The following PTPN13 variants were observed in gnomAD, a reference collection of about 807,000 sequenced individuals.
PTPN13 encodes protein tyrosine phosphatase non-receptor type 13.
In PTPN13, 191 loss-of-function variants were observed where a neutral mutation model predicts 284.0. The observed-to-expected ratio is 0.67, with a 90% CI of 0.60 to 0.76. PTPN13 has a LOEUF of 0.76. PTPN13 is among the 30% of genes least tolerant of loss of function. The pLI, the probability that PTPN13 is intolerant of heterozygous loss-of-function variation, is 0.00. For missense variants in PTPN13, 2,797 were observed against 2,939.9 expected (o/e 0.95, Z 1.12); for synonymous variants, 986 against 1,022.3 (o/e 0.96, Z 0.68).
In PTPN13 at chr4:86,805,347, C is replaced by T. The variant is rs777203361; in HGVS notation, c.6723C>T (p.Asn2241=). 3 of 1,594,276 alleles carry T rather than the reference C, an allele frequency of 1.9e-6. No individual in the cohort carries two copies. The highest frequency in any genetic ancestry group is 1.1e-5 in the South Asian group (1 of 89,692). ...AAACTAAGGAAAACAGAAGGAAGAA[C>T]AGATATAAAAATATACTTCCCTGTA... ...IGQTKENRRK[N]RYKNILPYDA... Residue 2241 remains asparagine, a synonymous_variant, in exon 44 of 48, where the codon AAC becomes AAT. Coordinates refer to ENST00000411767, the MANE Select transcript of PTPN13 (RefSeq NM_080683.3).
At chr4:86,631,129 T>C (rs1722421239) in intron 1 of PTPN13, among the ~76,000 whole-genome samples, 2 of 152,142 alleles carry the variant, frequency 1.3e-5, no homozygotes, top group African/African-American at 4.8e-5. Context: ...TTGTGATAGG[T>C]TAATGTGATA....
At chr4:86,811,199 G>T (rs999266360) in intron 47 of PTPN13, 91 bp downstream of exon 47, 6 of 1,260,908 alleles carry the variant, frequency 4.8e-6, no homozygotes, top group Non-Finnish European at 5.4e-6. Flanking sequence ...TTTTTTGAGA[G>T]TTCCCATGTT....
chr4:86,769,788 A>G lies in PTPN13; in HGVS notation c.4509A>G (p.Lys1503=). 6.3e-7 allele frequency: 1 copy of G among 1,596,924 alleles called. No homozygotes were observed. Among genetic ancestry groups the G allele is most frequent in the Non-Finnish European group, 8.5e-7 (1 of 1,173,532 alleles). ...FVTEENTFEV[K]LFKNSSGLGF... is the part of the protein sequence containing the mutation. ...CTCCAGAAAATACATTTGAGGTAAA[A>G]TTATTTAAAAATAGCTCAGGTCTAG... Residue 1503 remains lysine, a synonymous_variant, in exon 29 of 48, where the codon AAA becomes AAG. Coordinates refer to ENST00000411767, the MANE Select transcript of PTPN13 (RefSeq NM_080683.3).
chr4:86,722,143 A>T (rs112034531), intron 9 of PTPN13, 69 bp from the exon 10 acceptor site: 1 of 1,309,608 alleles, frequency 7.6e-7, no homozygotes. Flanking sequence ...TTAAAATGAA[A>T]TTTGCTTGAT....
In PTPN13 at chr4:86,701,738, T is replaced by G; in HGVS notation, c.1132T>G (p.Leu378Val). 2 of 1,613,912 alleles carry G rather than the reference T, an allele frequency of 1.2e-6. No individual in the cohort carries two copies. Among genetic ancestry groups the G allele is most frequent in the Non-Finnish European group, 1.7e-6 (2 of 1,179,844 alleles). Reference protein sequence around the residue: ...LPTSSAISSALDRIRERQKKL... With the variant: ...LPTSSAISSAVDRIRERQKKL... ...CACCTCCTCAGCAATATCAAGTGCT[T>G]TGGACCGAATCCGAGAGAGACAAAA... Residue 378 changes from leucine to valine, a missense_variant, in exon 7 of 48, where the codon TTG (leucine) becomes GTG (valine). Coordinates refer to ENST00000411767, the MANE Select transcript of PTPN13 (RefSeq NM_080683.3).
At chr4:86,786,478 C>T (rs1396906502) in intron 40 of PTPN13, among the ~76,000 whole-genome samples, 1 of 152,086 alleles carries the variant, frequency 6.6e-6, no homozygotes, top group Non-Finnish European at 1.5e-5. Flanking sequence ...CATGACTGTT[C>T]ATTAAATATT....
chr4:86,732,764 A>G lies in PTPN13; in HGVS notation c.1856A>G (p.Lys619Arg), dbSNP rs1359612435. 8 of 1,611,526 alleles carry G rather than the reference A, an allele frequency of 5.0e-6. No individual in the cohort carries two copies. The highest frequency in any genetic ancestry group is 4.5e-5 in the East Asian group (2 of 44,764). Residue 619 changes from lysine (K) to arginine (R), a missense_variant and splice_region_variant, in exon 12 of 48, where the codon AAA becomes AGA. By Grantham distance (26) the Lys-to-Arg change is conservative (BLOSUM62 2). Coordinates refer to ENST00000411767, the MANE Select transcript of PTPN13 (RefSeq NM_080683.3). Reference protein sequence around the residue: ...EHHLFALATLKDNEYFFVDPD... With the variant: ...EHHLFALATLRDNEYFFVDPD... ...CATTTGTTTGCTTTAGCTACCCTCA[A>G]AGGTACCAAGACATTTTATATTCAG...
At chr4:86,794,629 A>G (rs902248719) in intron 40 of PTPN13, among the ~76,000 whole-genome samples, 14 of 152,260 alleles carry the variant, frequency 9.2e-5, no homozygotes, top group Admixed American at 1.3e-4. Flanking sequence ...GAGGCATCAC[A>G]CTACCTGACT....
chr4:86,595,672 A>G (rs1010371128), intron 1 of PTPN13: 91 of 835,524 alleles, frequency 1.1e-4, no homozygotes, highest in Non-Finnish European at 1.2e-4. Flanking sequence ...CGGTGACTTC[A>G]TAGGGAGCTG....
intron 1 of PTPN13, among the ~76,000 whole-genome samples, chr4:86,613,176 A>G (rs1447730476): frequency 6.6e-6 from 1 of 152,260 alleles, no homozygotes; most frequent in Non-Finnish European, 1.5e-5. Flanking sequence ...TAACATTTTG[A>G]CTACTTACTG....
chr4:86,694,246 T>C (rs968539173), intron 6 of PTPN13, among the ~76,000 whole-genome samples: 1 of 151,972 alleles, frequency 6.6e-6, no homozygotes, highest in East Asian at 1.9e-4. Flanking sequence ...TAATTCTGTA[T>C]CCTATGATAA....
intron 24 of PTPN13, 90 bp downstream of exon 24, chr4:86,763,280 C>T: frequency 2.8e-6 from 3 of 1,084,724 alleles, no homozygotes; most frequent in Non-Finnish European, 2.7e-6. Flanking sequence ...CTACAAGATG[C>T]TTTCATTATT....
chr4:86,633,865 G>A (rs1722728799), intron 1 of PTPN13, among the ~76,000 whole-genome samples: 1 of 152,170 alleles, frequency 6.6e-6, no homozygotes, highest in African/African-American at 2.4e-5. Flanking sequence ...TTTGGTGCAG[G>A]CAGGGGATCT....
In PTPN13 at chr4:86,644,219, C is replaced by T. The variant is rs537121981; in HGVS notation, c.115+8848C>T. The stretch of plus-strand genomic sequence containing the variant: ...GCGTGATCTTGGCTCACTGTAACCT[C>T]TGCTTCCCAGGTTCAAGCTATTCTG... On this transcript the variant is annotated intron_variant, in intron 2 of 47. Transcript: ENST00000411767. Among the ~76,000 whole-genome samples, 3 of 152,084 alleles carry T rather than the reference C, an allele frequency of 2.0e-5. No individual in the cohort carries two copies. The East Asian group carries it at 5.8e-4, about 29-fold the overall frequency.
chr4:86,761,221 A>T (rs1363712206), intron 23 of PTPN13, among the ~76,000 whole-genome samples: 2 of 149,082 alleles, frequency 1.3e-5, no homozygotes, highest in African/African-American at 4.9e-5. Context: ...TATACTCTAA[A>T]TACCATTCTG....
chr4:86,774,537 A>G lies in PTPN13; in HGVS notation c.5508+6A>G. On this transcript the variant is annotated splice_donor_region_variant and intron_variant, in intron 33 of 47. Coordinates refer to ENST00000411767, the MANE Select transcript of PTPN13 (RefSeq NM_080683.3). ...CTGGGGACCGGCTCATAAAGGTGAG[A>G]CATTTAAGAGGAATGGATTATTTGT... 1 of 1,588,248 alleles carries G rather than the reference A, an allele frequency of 6.3e-7. No individual in the cohort carries two copies. The highest frequency in any genetic ancestry group is 1.3e-5 in the African/African-American group (1 of 74,336).
chr4:86,629,559 G>A (rs1027653137), intron 1 of PTPN13, among the ~76,000 whole-genome samples: 1 of 152,050 alleles, frequency 6.6e-6, no homozygotes, highest in Non-Finnish European at 1.5e-5. Flanking sequence ...GTTTAATTTT[G>A]ATGAATTCCA....
rs372730973 is a variant in PTPN13 at position 86,600,140 on chromosome 4, G to T, written c.-6+5351G>T. 2.5e-4 allele frequency among the ~76,000 whole-genome samples: 38 copies of T among 151,950 alleles called. 1 individual carries two copies. In the South Asian group the frequency reaches 7.9e-3, roughly 32 times the overall value. On this transcript the variant is annotated intron_variant, in intron 1 of 47. Transcript: ENST00000411767. ...GTGAGAGAAAATTTTTTTCTTATAGGGGAAGGCATTTCCTTGAAAAAAATG... is the reference window on the plus strand; with the variant it reads ...GTGAGAGAAAATTTTTTTCTTATAGTGGAAGGCATTTCCTTGAAAAAAATG...
At chr4:86,781,857 G>C (rs768927546) in intron 36 of PTPN13, among the ~76,000 whole-genome samples, 3 of 151,788 alleles carry the variant, frequency 2.0e-5, no homozygotes, top group Non-Finnish European at 4.4e-5. Context: ...CAGATACTTG[G>C]GAGGCTGAGG....
Sources: gnomAD v4.1 joint callset for allele counts (sites outside exome capture counted in the v4.1 genomes callset) on GRCh38, gnomAD v4.1.1 for gene constraint, MANE v1.5 for transcripts, NCBI Gene and HGNC (gene_info 2026-07-23, HGNC 2026-07-21) for gene names.